The following ROCK1 variants were observed in gnomAD, a reference collection of about 807,000 sequenced individuals.
ROCK1 encodes rho-associated protein kinase 1.
ROCK1 carries 36 observed loss-of-function variants against 196.8 expected under a neutral mutation model. The ratio of observed to expected loss-of-function variants is 0.18; its 90% CI spans 0.14 to 0.24. The LOEUF (loss-of-function observed/expected upper bound fraction) is 0.24. ROCK1 is among the 10% of genes least tolerant of loss of function. The probability of loss-of-function intolerance (pLI) is 1.00; values close to 1 mark genes in which losing one functional copy is unlikely to be tolerated. For synonymous variants in ROCK1, 443 were observed against 515.9 expected, an observed-to-expected ratio of 0.86 and a Z score of 1.91; for missense variants, 920 against 1,562.0, an observed-to-expected ratio of 0.59 and a Z score of 6.93.
intron 1 of ROCK1, among the ~76,000 whole-genome samples, chr18:21,082,951 CA>C (rs1412876281): frequency 6.6e-6 from 1 of 152,012 alleles, no homozygotes; most frequent in Non-Finnish European, 1.5e-5. Context: ...CACACCAAAA[CA>C]AAACAAAACA....
At chr18:21,024,462 C>A (rs1568386442) in intron 10 of ROCK1, among the ~76,000 whole-genome samples, 2 of 152,148 alleles carry the variant, frequency 1.3e-5, no homozygotes, top group Non-Finnish European at 2.9e-5. Context: ...GCTCCTACTG[C>A]CACCATGCTA....
At chr18:21,002,036 T>C (rs1250016504) in intron 16 of ROCK1, among the ~76,000 whole-genome samples, 3 of 152,042 alleles carry the variant, frequency 2.0e-5, no homozygotes, top group African/African-American at 7.2e-5. Context: ...TCATTAAAAG[T>C]AGAAATCCCA....
At chr18:20,987,606 A>G (rs1382832819) in intron 18 of ROCK1, among the ~76,000 whole-genome samples, 1 of 152,208 alleles carries the variant, frequency 6.6e-6, no homozygotes, top group Non-Finnish European at 1.5e-5. Context: ...TTACTGGAAT[A>G]TATTAGTCTA....
At chr18:21,089,260 A>C (rs1281934610) in intron 1 of ROCK1, among the ~76,000 whole-genome samples, 1 of 152,100 alleles carries the variant, frequency 6.6e-6, no homozygotes, top group African/African-American at 2.4e-5. Flanking sequence ...GGGTTTCACC[A>C]TGTTGGCCAG....
intron 13 of ROCK1, among the ~76,000 whole-genome samples, chr18:21,015,200 T>C (rs2035852794): frequency 6.6e-6 from 1 of 152,142 alleles, no homozygotes; most frequent in African/African-American, 2.4e-5. Flanking sequence ...AACTGAAATT[T>C]ACGTACTAAA....
At chr18:21,090,506 T>C (rs770383731) in intron 1 of ROCK1, among the ~76,000 whole-genome samples, 1 of 152,206 alleles carries the variant, frequency 6.6e-6, no homozygotes, top group Non-Finnish European at 1.5e-5. Flanking sequence ...CAACACATTA[T>C]TGGCTTTTGG....
chr18:20,972,867 T>TG (rs2035442536), intron 22 of ROCK1, among the ~76,000 whole-genome samples: 1 of 152,204 alleles, frequency 6.6e-6, no homozygotes, highest in Admixed American at 6.5e-5. Flanking sequence ...AAAAGTGGGA[T>TG]GGTGGCTACC....
Position 20,967,944 on chromosome 18 carries a change from T to C in ROCK1, c.3004-4A>G. ...TTTCTGCCAATTTGTTAACAGCCTA[T>C]TAAAATATTATTAATAAAGATCAAT... On this transcript the variant is annotated splice_region_variant and splice_polypyrimidine_tract_variant and intron_variant, in intron 25 of 32. Transcript: ENST00000399799. The C allele has an allele frequency of 6.7e-7, 1 of 1,500,876 alleles. No individual in the cohort carries two copies. Among genetic ancestry groups the C allele is most frequent in the Non-Finnish European group, 9.0e-7 (1 of 1,109,638 alleles). The allele number at this position is 1,500,876 out of a possible 1,614,324, so 93.0% of individuals were successfully genotyped here.
intron 27 of ROCK1, among the ~76,000 whole-genome samples, chr18:20,965,707 G>A (rs572746145): frequency 1.3e-5 from 2 of 152,308 alleles, no homozygotes; most frequent in African/African-American, 2.4e-5. Flanking sequence ...TGAATCGTGT[G>A]TACCTGCAAG....
intron 1 of ROCK1, among the ~76,000 whole-genome samples, chr18:21,107,240 G>A (rs2036710730): frequency 6.6e-6 from 1 of 152,162 alleles, no homozygotes; most frequent in African/African-American, 2.4e-5. Context: ...TCAAATTTCA[G>A]ATTACGGATG....
intron 9 of ROCK1, among the ~76,000 whole-genome samples, chr18:21,033,794 A>C (rs972952443): frequency 1.2e-4 from 18 of 146,268 alleles, no homozygotes; most frequent in South Asian, 8.8e-4. Context: ...GGAGGTGGGC[A>C]GATCACGAGG....
chr18:21,025,022 C>T (rs1433039673), intron 10 of ROCK1, among the ~76,000 whole-genome samples: 2 of 152,172 alleles, frequency 1.3e-5, no homozygotes, highest in African/African-American at 4.8e-5. Context: ...ATTTTCTAAA[C>T]TTAACATGCT....
intron 2 of ROCK1, among the ~76,000 whole-genome samples, chr18:21,062,139 C>A (rs1250663503): frequency 6.6e-6 from 1 of 152,102 alleles, no homozygotes; most frequent in African/African-American, 2.4e-5. Flanking sequence ...ACACCTAGCA[C>A]CCAGATCTTG....
chr18:20,973,544 T>C (rs2035450421), intron 22 of ROCK1, among the ~76,000 whole-genome samples: 1 of 152,120 alleles, frequency 6.6e-6, no homozygotes, highest in African/African-American at 2.4e-5. Context: ...CCCAAATTGC[T>C]GGGATTACGG....
At chr18:21,070,202 A>G (rs913450433) in intron 2 of ROCK1, among the ~76,000 whole-genome samples, 1 of 152,150 alleles carries the variant, frequency 6.6e-6, no homozygotes, top group Non-Finnish European at 1.5e-5. Context: ...GGAAAAGAAT[A>G]TCTGTAAAAT....
Position 20,992,998 on chromosome 18 carries a change from T to C in ROCK1, c.1886-61A>G, listed in dbSNP as rs2035639595. The C allele has an allele frequency of 8.1e-6, 8 of 988,380 alleles. No homozygotes were observed. The South Asian group carries it at 9.0e-5, about 11-fold the overall frequency. 61.2% of individuals were successfully genotyped at this position (988,380 alleles called of 1,614,324 possible). On this transcript the variant is annotated intron_variant, in intron 16 of 32. Transcript: ENST00000399799. ...TTGAAAGAAGTCTTTTTGTTCAGTA[T>C]TGACAATTTAGTTTTTAAAAAATGT...
chr18:21,062,671 G>A (rs909738443), intron 2 of ROCK1, among the ~76,000 whole-genome samples: 2 of 152,068 alleles, frequency 1.3e-5, no homozygotes, highest in Non-Finnish European at 2.9e-5. Flanking sequence ...AAAGAAAATG[G>A]TAACTTACTA....
intron 16 of ROCK1, among the ~76,000 whole-genome samples, chr18:21,003,072 A>C (rs1021711352): frequency 2.0e-5 from 3 of 152,104 alleles, no homozygotes; most frequent in Non-Finnish European, 4.4e-5. Flanking sequence ...CCTGGTACCT[A>C]AATACTACTT....
At position 21,006,389 on chromosome 18, in the gene ROCK1, T is replaced by C. The variant is rs1217450508; in HGVS notation, c.1847A>G (p.Asp616Gly). ...AATCATCTCAGAATCATGACCTCTG[T>C]CTCTTCGTTCAGCTTCTAATATAGC... Reference protein sequence around the residue: ...LQAILEAERRDRGHDSEMIGD... With the variant: ...LQAILEAERRGRGHDSEMIGD... The change falls in exon 16 of 33, where the codon GAC (aspartate) becomes GGC (glycine). Residue 616 changes from aspartate to glycine, a missense_variant. Transcript: ENST00000399799. 1 of 1,613,232 alleles carries C rather than the reference T, an allele frequency of 6.2e-7. No individual in the cohort carries two copies. The highest frequency in any genetic ancestry group is 8.5e-7 in the Non-Finnish European group (1 of 1,179,944).
Sources: gnomAD v4.1 joint callset for allele counts (sites outside exome capture counted in the v4.1 genomes callset) on GRCh38, gnomAD v4.1.1 for gene constraint, MANE v1.5 for transcripts, NCBI Gene and HGNC (gene_info 2026-07-23, HGNC 2026-07-21) for gene names.